ROBO2: variants seen among roughly 807,000 people sequenced by gnomAD.
The protein encoded by ROBO2 is roundabout homolog 2.
Under a neutral mutation model 160.8 loss-of-function variants are expected in ROBO2, and 53 were observed. The observed-to-expected ratio is 0.33, with a 90% CI of 0.26 to 0.41. ROBO2 has a LOEUF of 0.41. Among genes scored for constraint, ROBO2 ranks in the 10% least tolerant of loss-of-function variants. The pLI is 1.00. For synonymous variants in ROBO2, 664 were observed against 611.7 expected (o/e 1.09, Z -1.26); for missense variants, 1,577 against 1,722.4 (o/e 0.92, Z 1.49).
chr3:77,140,663 G>A (rs1022598306), intron 2 of ROBO2, among the ~76,000 whole-genome samples: 4 of 152,100 alleles, frequency 2.6e-5, no homozygotes, highest in Admixed American at 6.6e-5. Context: ...TTACCTACAT[G>A]TACCTTCAAT....
chr3:77,235,718 T>C (rs980394089), intron 2 of ROBO2, among the ~76,000 whole-genome samples: 2 of 152,228 alleles, frequency 1.3e-5, no homozygotes, highest in African/African-American at 4.8e-5. Flanking sequence ...ATTAAACCTC[T>C]TTCTGCCAGA....
intron 2 of ROBO2, among the ~76,000 whole-genome samples, chr3:76,136,585 C>T (rs894032417): frequency 6.6e-6 from 1 of 152,024 alleles, no homozygotes; most frequent in East Asian, 1.9e-4. Flanking sequence ...GGGTGCCTGT[C>T]TATCTACATA....
intron 2 of ROBO2, among the ~76,000 whole-genome samples, chr3:76,153,475 G>T (rs1440267441): frequency 2.0e-5 from 3 of 152,022 alleles, no homozygotes; most frequent in Non-Finnish European, 4.4e-5. Flanking sequence ...TTTTGTTTTG[G>T]TCTTTTTGTT....
intron 2 of ROBO2, among the ~76,000 whole-genome samples, chr3:77,121,620 T>C (rs1032197997): frequency 2.0e-5 from 3 of 152,096 alleles, no homozygotes; most frequent in Admixed American, 2.0e-4. Flanking sequence ...TAATATTTTC[T>C]GCTTAACTAC....
At chr3:77,603,093 T>C (rs1451977721) in intron 20 of ROBO2, 1 of 456,458 alleles carries the variant, frequency 2.2e-6, no homozygotes, top group Non-Finnish European at 4.4e-6. Flanking sequence ...GAAATATTTG[T>C]TTGTCACCAG....
At chr3:76,610,863 T>G (rs574924427) in intron 2 of ROBO2, among the ~76,000 whole-genome samples, 1 of 152,214 alleles carries the variant, frequency 6.6e-6, no homozygotes, top group Non-Finnish European at 1.5e-5. Flanking sequence ...TGCGCGCCAC[T>G]GGGCAGGTTC....
At chr3:76,957,570 C>T (rs1050754426) in intron 2 of ROBO2, among the ~76,000 whole-genome samples, 2 of 152,052 alleles carry the variant, frequency 1.3e-5, no homozygotes, top group Non-Finnish European at 1.5e-5. Context: ...CAGTGGCTCA[C>T]GCCTGTAGTC....
chr3:76,118,437 T>A (rs1031196785), intron 2 of ROBO2, among the ~76,000 whole-genome samples: 5 of 152,172 alleles, frequency 3.3e-5, no homozygotes, highest in Non-Finnish European at 7.3e-5. Context: ...ATACTTAGTA[T>A]GGAAAAGTCA....
At chr3:77,013,980 A>G (rs1305203204) in intron 2 of ROBO2, among the ~76,000 whole-genome samples, 2 of 152,214 alleles carry the variant, frequency 1.3e-5, no homozygotes, top group African/African-American at 2.4e-5. Context: ...GTATAAACAT[A>G]TAGTCAACAG....
intron 2 of ROBO2, among the ~76,000 whole-genome samples, chr3:77,460,967 A>G (rs1051071501): frequency 1.3e-5 from 2 of 152,164 alleles, no homozygotes; most frequent in African/African-American, 4.8e-5. Context: ...GTCTTATTCG[A>G]CCAAATATTT....
intron 2 of ROBO2, among the ~76,000 whole-genome samples, chr3:77,022,154 GA>G (rs138777967): frequency 0.055 from 8,382 of 152,268 alleles, 254 homozygotes; most frequent in Middle Eastern, 0.082. Flanking sequence ...CAGATCACTT[GA>G]GGTCAGGGGT....
At chr3:76,373,793 A>T (rs1157392390) in intron 2 of ROBO2, among the ~76,000 whole-genome samples, 2 of 152,006 alleles carry the variant, frequency 1.3e-5, no homozygotes, top group Non-Finnish European at 2.9e-5. Flanking sequence ...TCTGTTGGTC[A>T]TGTGAGCATT....
intron 2 of ROBO2, among the ~76,000 whole-genome samples, chr3:76,803,693 T>A (rs1347239414): frequency 6.6e-6 from 1 of 152,184 alleles, no homozygotes; most frequent in Non-Finnish European, 1.5e-5. Context: ...ATTATATATT[T>A]ATGCAAGACC....
chr3:76,833,964 TTCTTTC>T (rs1424543793), intron 2 of ROBO2, among the ~76,000 whole-genome samples: 1 of 151,564 alleles, frequency 6.6e-6, no homozygotes, highest in African/African-American at 2.4e-5. Flanking sequence ...CTTCCTTCCT[TTCTTTC>T]TCTTTCTTTT....
At chr3:76,328,830 G>C (rs2073240224) in intron 2 of ROBO2, among the ~76,000 whole-genome samples, 1 of 151,402 alleles carries the variant, frequency 6.6e-6, no homozygotes, top group Admixed American at 6.6e-5. Flanking sequence ...CCGCACTCCA[G>C]CCTGGGCGAC....
rs1484868032 is a variant in ROBO2, at chr3:76,555,407, AGAAGAAGAAGAAAGAAGG to A, written c.110-542606_110-542589del. ...AAGAAGAAGAAGAAGAAGAAGAAGA[AGAAGAAGAAGAAAGAAGG>A]AGAAGGGGAAGGGGAAGAGGAAGAG... On this transcript the variant is annotated intron_variant, in intron 2 of 26. Transcript: ENST00000487694. Among the ~76,000 whole-genome samples the A allele has an allele frequency of 1.9e-4, 14 of 74,888 alleles. No homozygotes were observed. The South Asian group carries it at 3.1e-3, about 17-fold the overall frequency. 49.1% of individuals were successfully genotyped at this position (74,888 alleles called of 152,430 possible).
chr3:77,362,292 T>C (rs1462569482), intron 2 of ROBO2, among the ~76,000 whole-genome samples: 2 of 152,120 alleles, frequency 1.3e-5, no homozygotes, highest in Non-Finnish European at 2.9e-5. Flanking sequence ...AAATATAGCA[T>C]GCACAAGTGG....
intron 2 of ROBO2, among the ~76,000 whole-genome samples, chr3:76,984,627 A>G (rs987745741): frequency 6.6e-6 from 1 of 152,144 alleles, no homozygotes; most frequent in Non-Finnish European, 1.5e-5. Flanking sequence ...TGAAAGATAC[A>G]TGGAAACGTG....
At chr3:77,595,010 ATGTTAATTATATTT>A (rs1354953584) in intron 17 of ROBO2, 118 bp from the exon 19 acceptor site, 1 of 697,080 alleles carries the variant, frequency 1.4e-6, no homozygotes, top group Non-Finnish European at 2.5e-6. Context: ...CTGTACAATG[ATGTTAATTATATTT>A]TGTTAAAATT....
Sources: gnomAD v4.1 joint callset for allele counts (sites outside exome capture counted in the v4.1 genomes callset) on GRCh38, gnomAD v4.1.1 for gene constraint, MANE v1.5 for transcripts, NCBI Gene and HGNC (gene_info 2026-07-23, HGNC 2026-07-21) for gene names.